Variants in MMP26 observed in about 807,000 individuals in gnomAD.
The protein encoded by MMP26 is matrix metallopeptidase 26, also known as matrix metalloproteinase-26.
MMP26 carries 33 observed loss-of-function variants against 31.0 expected under a neutral mutation model. The observed-to-expected ratio is 1.06, with a 90% CI of 0.81 to 1.42. The LOEUF is 1.42. Ranked by LOEUF, MMP26 falls within the 40% of genes most tolerant of loss-of-function variation. The pLI, the probability that MMP26 is intolerant of heterozygous loss-of-function variation, is 0.00. For missense variants in MMP26, 347 were observed against 316.1 expected (o/e 1.10, Z -0.74); for synonymous variants, 122 against 114.9 (o/e 1.06, Z -0.40).
intron 2 of MMP26, among the ~76,000 whole-genome samples, chr11:4,841,023 G>A (rs905358405): frequency 1.3e-5 from 2 of 152,196 alleles, no homozygotes; most frequent in Non-Finnish European, 2.9e-5. Flanking sequence ...TTGGCATACT[G>A]AAGAATGCAT....
intron 2 of MMP26, among the ~76,000 whole-genome samples, chr11:4,910,835 A>T (rs1850979961): frequency 8.9e-6 from 1 of 112,064 alleles, no homozygotes; most frequent in African/African-American, 3.8e-5. Context: ...TCATGGAATA[A>T]AAAAAAAACT....
intron 2 of MMP26, among the ~76,000 whole-genome samples, chr11:4,935,675 C>G (rs1344454993): frequency 6.7e-6 from 1 of 150,346 alleles, no homozygotes; most frequent in African/African-American, 2.4e-5. Flanking sequence ...GGGAATGCTT[C>G]CAGTTTTTGC....
rs1564819722 is a variant in MMP26 at position 4,986,932 on chromosome 11, C to CTCT, written c.-144-1136_-144-1135insTCT. ...CTCTCTCTCTCTCTCTCTCTCTCTC[C>CTCT]CTCTCTCTCTCTCTCTCTCTCTCTC... On this transcript the variant is annotated intron_variant, in intron 2 of 7. Coordinates refer to ENST00000380390, the MANE Select transcript of MMP26 (RefSeq NM_021801.5). Among the ~76,000 whole-genome samples, 160 of 60,408 alleles carry CTCT rather than the reference C, an allele frequency of 2.6e-3. 2 individuals are homozygous for CTCT. The highest frequency in any genetic ancestry group is 6.8e-3 in the African/African-American group (96 of 14,162). The allele number at this position is 60,408 out of a possible 152,430, so 39.6% of individuals were successfully genotyped here.
chr11:4,808,494 G>T (rs1369658772), intron 2 of MMP26, among the ~76,000 whole-genome samples: 1 of 151,960 alleles, frequency 6.6e-6, no homozygotes, highest in South Asian at 2.1e-4. Context: ...TCTCGGGGAG[G>T]ACATCTTTAA....
In MMP26 at chr11:4,991,352, T is replaced by C. The variant is rs748676767; in HGVS notation, c.470-19T>C. On this transcript the variant is annotated intron_variant, in intron 5 of 7. Coordinates refer to ENST00000380390, the MANE Select transcript of MMP26 (RefSeq NM_021801.5). ...TCTACCTCCACCCTCATTGTGATCATAGCTTCTGTCGTCCACAGCCCATGA... is the reference window on the plus strand; with the variant it reads ...TCTACCTCCACCCTCATTGTGATCACAGCTTCTGTCGTCCACAGCCCATGA... 2 of 1,608,434 alleles carry C rather than the reference T, an allele frequency of 1.2e-6. No individual in the cohort carries two copies. Among genetic ancestry groups the C allele is most frequent in the Non-Finnish European group, 1.7e-6 (2 of 1,176,458 alleles).
intron 2 of MMP26, chr11:4,903,988 C>T (rs937692161): frequency 6.6e-6 from 1 of 151,976 alleles, no homozygotes; most frequent in African/African-American, 2.4e-5. Flanking sequence ...TTTTCTAATG[C>T]CCTAATATCA....
In MMP26 at chr11:4,784,512, C is replaced by T. The variant is rs76506920; in HGVS notation, c.-145+17171C>T. Among the ~76,000 whole-genome samples, 594 of 152,216 alleles carry T rather than the reference C, an allele frequency of 3.9e-3. 2 individuals are homozygous for T. The highest frequency in any genetic ancestry group is 0.013 in the African/African-American group (547 of 41,504). On this transcript the variant is annotated intron_variant, in intron 2 of 7. Coordinates refer to ENST00000380390, the MANE Select transcript of MMP26 (RefSeq NM_021801.5). The stretch of plus-strand genomic sequence containing the variant: ...ACCAGGTGAGTCCTAAATCCAATGA[C>T]GATTGTCCTTTTAAGAGACAGAAAA...
At chr11:4,836,693 T>G (rs1429579823) in intron 2 of MMP26, among the ~76,000 whole-genome samples, 1 of 135,022 alleles carries the variant, frequency 7.4e-6, no homozygotes, top group Non-Finnish European at 1.5e-5. Flanking sequence ...GGAGTCTTGC[T>G]CTGTCACCCA....
At chr11:4,811,599 G>C (rs976865561) in intron 2 of MMP26, among the ~76,000 whole-genome samples, 6 of 151,840 alleles carry the variant, frequency 4.0e-5, no homozygotes, top group Admixed American at 6.6e-5. Context: ...TTTATCTTCG[G>C]TATGTGACGT....
intron 2 of MMP26, chr11:4,915,064 G>C (rs1381262998): frequency 6.2e-7 from 1 of 1,614,088 alleles, no homozygotes; most frequent in Admixed American, 1.7e-5. Flanking sequence ...CGTAGATGCT[G>C]TTGGCCTTCA....
intron 2 of MMP26, among the ~76,000 whole-genome samples, chr11:4,812,404 G>A (rs1849362060): frequency 6.6e-6 from 1 of 152,158 alleles, no homozygotes; most frequent in Non-Finnish European, 1.5e-5. Flanking sequence ...TGTTGCCAAG[G>A]TTGAGGTGAC....
At chr11:4,803,104 T>C (rs1035013922) in intron 2 of MMP26, among the ~76,000 whole-genome samples, 31 of 152,350 alleles carry the variant, frequency 2.0e-4, no homozygotes, top group Admixed American at 9.1e-4. Flanking sequence ...CTACTGACAG[T>C]GTAAAAACAA....
chr11:4,816,039 T>G (rs926004561), intron 2 of MMP26, among the ~76,000 whole-genome samples: 23 of 152,240 alleles, frequency 1.5e-4, no homozygotes, highest in African/African-American at 5.5e-4. Flanking sequence ...CATACCGCTT[T>G]TGCTGTCCCA....
At chr11:4,952,976 G>T (rs1399016479) in intron 2 of MMP26, among the ~76,000 whole-genome samples, 1 of 123,808 alleles carries the variant, frequency 8.1e-6, no homozygotes, top group Non-Finnish European at 1.8e-5. Flanking sequence ...GAACTGGCAT[G>T]GTTGATGGAA....
chr11:4,846,912 C>T (rs1208265582), intron 2 of MMP26, among the ~76,000 whole-genome samples: 1 of 152,146 alleles, frequency 6.6e-6, no homozygotes, highest in African/African-American at 2.4e-5. Context: ...TTATAATTCT[C>T]ACTGGTCAGT....
At chr11:4,757,977 A>T (rs912320261) in intron 1 of MMP26, among the ~76,000 whole-genome samples, 3 of 152,112 alleles carry the variant, frequency 2.0e-5, no homozygotes, top group African/African-American at 7.2e-5. Flanking sequence ...TAAACTTACC[A>T]TATGATCCAG....
chr11:4,758,466 G>GAAA (rs376347621), intron 1 of MMP26, among the ~76,000 whole-genome samples: 3 of 93,338 alleles, frequency 3.2e-5, no homozygotes, highest in Non-Finnish European at 6.9e-5. Context: ...CATCCATTTG[G>GAAA]AAAAAAAAAA....
intron 2 of MMP26, among the ~76,000 whole-genome samples, chr11:4,790,621 T>A (rs1849013222): frequency 6.6e-6 from 1 of 152,090 alleles, no homozygotes; most frequent in Non-Finnish European, 1.5e-5. Flanking sequence ...ATGAGGGTGG[T>A]GTATGAGCAA....
chr11:4,914,961 A>G, intron 2 of MMP26: 1 of 1,614,126 alleles, frequency 6.2e-7, no homozygotes, highest in Non-Finnish European at 8.5e-7. Flanking sequence ...TCAGCCCTGG[A>G]GGCGATGGAC....
Sources: gnomAD v4.1 joint callset for allele counts (sites outside exome capture counted in the v4.1 genomes callset) on GRCh38, gnomAD v4.1.1 for gene constraint, MANE v1.5 for transcripts, NCBI Gene and HGNC (gene_info 2026-07-23, HGNC 2026-07-21) for gene names.